The following PAK4 variants were observed in gnomAD, a reference collection of about 807,000 sequenced individuals.
The protein encoded by PAK4 is p21 (RAC1) activated kinase 4.
In PAK4, 49 loss-of-function variants were observed where a neutral mutation model predicts 53.5. The ratio of observed to expected loss-of-function variants is 0.92; its 90% confidence interval spans 0.73 to 1.16. The LOEUF is 1.16. Ranked by LOEUF, PAK4 falls within the 50% of genes most tolerant of loss-of-function variation. PAK4 has a pLI of 0.00. For missense variants in PAK4, 824 were observed against 850.7 expected (o/e 0.97, Z 0.39); for synonymous variants, 376 against 375.6 (o/e 1.00, Z -0.01).
rs1239474121 is a variant in PAK4 at position 39,175,399 on chromosome 19, C to T, written c.1320C>T (p.Asp440=). Residue 440 remains aspartate, a synonymous_variant, in exon 6 of 9, where the codon GAC becomes GAT. Coordinates refer to ENST00000358301, the Ensembl canonical transcript of PAK4. This position sits in a 1 kb window ranked among gnomAD's most constrained non-coding sequence, Gnocchi z 4.7. ...ACGCCCAGGGCGTCATCCACCGGGA[C>T]ATCAAGAGCGACTCGATCCTGCTGA... The T allele has an allele frequency of 1.2e-6, 2 of 1,604,974 alleles. No individual in the cohort carries two copies. Among genetic ancestry groups the T allele is most frequent in the Admixed American group, 1.7e-5 (1 of 59,652 alleles).
At chr19:39,176,568 C>T (rs746524955) in intron 6 of PAK4, 22 bp from the exon 8 acceptor site, 3 of 1,613,362 alleles carry the variant, frequency 1.9e-6, no homozygotes, top group Admixed American at 1.7e-5. Context: ...CCTCTGACCC[C>T]ACTGCCTCTG....
chr19:39,158,201 ATGTGCATGTGTGGG>A (rs2074223491), intron 1 of PAK4, among the ~76,000 whole-genome samples: 1 of 149,278 alleles, frequency 6.7e-6, no homozygotes, highest in Non-Finnish European at 1.5e-5. Flanking sequence ...GCGTGCATGT[ATGTGCATGTGTGGG>A]TGTGCGTGTG....
At chr19:39,159,597 A>G (rs913320324) in intron 1 of PAK4, among the ~76,000 whole-genome samples, 4 of 152,198 alleles carry the variant, frequency 2.6e-5, no homozygotes, top group Non-Finnish European at 4.4e-5. Context: ...CATGTTGGCC[A>G]GGCTGGTCTC....
intron 1 of PAK4, among the ~76,000 whole-genome samples, chr19:39,165,195 G>GATAATAATAATAATAATAATAATAATA (rs71169565): frequency 3.9e-5 from 5 of 128,434 alleles, no homozygotes; most frequent in Non-Finnish European, 6.4e-5. Context: ...TGATGATGAT[G>GATAATAATAATAATAATAATAATAATA]ATAATAATAA....
downstream of PAK4, chr19:39,181,536 C>T (rs2074700549): frequency 6.6e-6 from 1 of 152,336 alleles, no homozygotes; most frequent in Non-Finnish European, 1.5e-5. Context: ...CCAAACCCCA[C>T]TCTCGCCTCT....
downstream of PAK4, chr19:39,179,424 G>GC (rs1490289851): frequency 6.6e-6 from 1 of 151,902 alleles, no homozygotes; most frequent in African/African-American, 2.4e-5. Context: ...GCGATGTGTG[G>GC]GGGGCAGGGG....
Position 39,126,458 on chromosome 19 carries a change from GGGGC to G in PAK4, c.-23+540_-23+543del, listed in dbSNP as rs1424504543. ...ATTGCGGGGGACGGGGGGGGGGGGG[GGGGC>G]CGGGTCAGAGATGCTTCCTGGTGAC... On this transcript the variant is annotated intron_variant, in intron 1 of 8. Coordinates refer to ENST00000358301, the Ensembl canonical transcript of PAK4. 5.2e-4 allele frequency among the ~76,000 whole-genome samples: 69 copies of G among 133,352 alleles called. 3 individuals carry two copies. Among genetic ancestry groups the G allele is most frequent in the Middle Eastern group, 3.7e-3 (1 of 268 alleles). The allele number at this position is 133,352 out of a possible 152,430, so 87.5% of individuals were successfully genotyped here.
rs768068445 is a variant in PAK4 at position 39,161,999 on chromosome 19, G to T, written c.-22-7533G>T. ...TTGAGATGGAGTCTCACACTCTGTC[G>T]CCCAGGCTGGAGTGCAATGGTGCGA... On this transcript the variant is annotated intron_variant, in intron 1 of 8. Coordinates refer to ENST00000358301, the Ensembl canonical transcript of PAK4. The surrounding 1 kb of genome is among the most constrained non-coding windows in gnomAD (Gnocchi z 4.5). Among the ~76,000 whole-genome samples the T allele has an allele frequency of 6.6e-6, 1 of 151,950 alleles. No individual in the cohort carries two copies. The highest frequency in any genetic ancestry group is 1.5e-5 in the Non-Finnish European group (1 of 68,008).
chr19:39,139,902 A>G (rs1305502854), intron 1 of PAK4, among the ~76,000 whole-genome samples: 1 of 151,914 alleles, frequency 6.6e-6, no homozygotes, highest in Non-Finnish European at 1.5e-5. Context: ...ATGGCAACAA[A>G]TGTGTTTTAG....
intron 1 of PAK4, chr19:39,136,470 CCTTCTGTTCAGTCAG>C (rs1270366669): frequency 1.9e-4 from 29 of 152,352 alleles, no homozygotes; most frequent in Admixed American, 1.8e-3. Flanking sequence ...CACCCTCCTT[CCTTCTGTTCAGTCAG>C]CCTCTGCTGA....
At chr19:39,133,231 G>A (rs1435278943) in intron 1 of PAK4, among the ~76,000 whole-genome samples, 5 of 152,220 alleles carry the variant, frequency 3.3e-5, no homozygotes, top group Non-Finnish European at 7.3e-5. Context: ...TCTTAGAGTT[G>A]TTTTGAGGAT....
At position 39,175,359 on chromosome 19, in the gene PAK4, C is replaced by T. The variant is rs2074582853; in HGVS notation, c.1280C>T (p.Ala427Val). The change falls in exon 6 of 9, where the codon GCC becomes GTC. Residue 427 changes from alanine (A) to valine (V), a missense_variant. Around this residue, in one of 2 missense-constraint regions of PAK4, gnomAD observed 346 missense variants for 415.0 expected, o/e 0.83. Coordinates refer to ENST00000358301, the Ensembl canonical transcript of PAK4. The surrounding 1 kb of genome is among the most constrained non-coding windows in gnomAD (Gnocchi z 4.7). Reference sequence around the variant, plus strand: ...GCCGTGTGCCTTGCAGTGCTGCAGGCCCTGTCGGTGCTCCACGCCCAGGGC... The same window carrying T: ...GCCGTGTGCCTTGCAGTGCTGCAGGTCCTGTCGGTGCTCCACGCCCAGGGC... 1 of 1,604,404 alleles carries T rather than the reference C, an allele frequency of 6.2e-7. No homozygotes were observed.
intron 4 of PAK4, among the ~76,000 whole-genome samples, chr19:39,174,725 G>T (rs558296197): frequency 6.6e-6 from 1 of 152,166 alleles, no homozygotes; most frequent in Non-Finnish European, 1.5e-5. Context: ...TGTGCCCAGG[G>T]GGGCGCGCCC....
intron 1 of PAK4, among the ~76,000 whole-genome samples, chr19:39,153,664 T>C (rs1403526730): frequency 1.3e-5 from 2 of 152,122 alleles, no homozygotes; most frequent in African/African-American, 4.8e-5. Flanking sequence ...CTGGTCTTGA[T>C]CTCCTGACCT....
intron 6 of PAK4, 60 bp from the exon 8 acceptor site, chr19:39,176,530 C>A: frequency 6.2e-7 from 1 of 1,607,204 alleles, no homozygotes; most frequent in Non-Finnish European, 8.5e-7. Flanking sequence ...AGGCAGACGC[C>A]CCTGCTCGCC....
At chr19:39,166,467 G>A (rs1473353083) in intron 1 of PAK4, among the ~76,000 whole-genome samples, 2 of 152,306 alleles carry the variant, frequency 1.3e-5, no homozygotes, top group East Asian at 1.9e-4. Context: ...AATACTCCAC[G>A]AAGCAGCTAC....
rs1417824127 is a variant in PAK4 at position 39,175,477 on chromosome 19, T to C, written c.1359+39T>C. ...CGGCGGGGTACGGGGGCGGCAGGTTTCCGGCTGCGGGGCTTCCCTGCCTCT... is the reference window on the plus strand; with the variant it reads ...CGGCGGGGTACGGGGGCGGCAGGTTCCCGGCTGCGGGGCTTCCCTGCCTCT... On this transcript the variant is annotated intron_variant, in intron 6 of 8. Coordinates refer to ENST00000358301, the Ensembl canonical transcript of PAK4. The surrounding 1 kb of genome is among the most constrained non-coding windows in gnomAD (Gnocchi z 4.7). 6.4e-7 allele frequency: 1 copy of C among 1,567,936 alleles called. No homozygotes were observed. The highest frequency in any genetic ancestry group is 8.7e-7 in the Non-Finnish European group (1 of 1,153,848).
chr19:39,150,578 C>T (rs1345124490), intron 1 of PAK4, among the ~76,000 whole-genome samples: 6 of 152,062 alleles, frequency 3.9e-5, no homozygotes, highest in African/African-American at 1.4e-4. Context: ...CACAGGGCAA[C>T]CAAAGTTACA....
Position 39,173,488 on chromosome 19 carries a change from C to T in PAK4, c.664-88C>T, listed in dbSNP as rs1031618815. The T allele has an allele frequency of 1.5e-4, 209 of 1,350,810 alleles. No individual in the cohort carries two copies. The highest frequency in any genetic ancestry group is 2.1e-4 in the Non-Finnish European group (206 of 992,480). 83.7% of individuals were successfully genotyped at this position (1,350,810 alleles called of 1,614,324 possible). A position where few individuals can be genotyped will look rare whatever the true frequency, so the allele number is the denominator to read the frequency against. On this transcript the variant is annotated intron_variant, in intron 3 of 8. Transcript: ENST00000358301. The surrounding 1 kb of genome is among the most constrained non-coding windows in gnomAD (Gnocchi z 6.9). ...CATCTCATCCTGACCACCCATGTGTCTGTCCCATCGCTGGGTCTCTCTCCT... is the reference window on the plus strand; with the variant it reads ...CATCTCATCCTGACCACCCATGTGTTTGTCCCATCGCTGGGTCTCTCTCCT...
Sources: allele counts gnomAD v4.1 joint callset (sites outside exome capture counted in the v4.1 genomes callset), GRCh38; gene constraint gnomAD v4.1.1; regional missense constraint gnomAD v4.1.1; non-coding constraint Gnocchi (gnomAD v3.1); transcripts MANE v1.5; gene names NCBI Gene and HGNC (gene_info 2026-07-23, HGNC 2026-07-21).